RPP30: variants seen among roughly 807,000 people sequenced by gnomAD.
RPP30 encodes ribonuclease P/MRP subunit p30.
In RPP30, 36 loss-of-function variants were observed where a neutral mutation model predicts 38.6. The observed-to-expected ratio is 0.93, with a 90% CI of 0.71 to 1.23. The LOEUF is 1.23. Ranked by LOEUF, RPP30 falls within the 50% of genes most tolerant of loss-of-function variation. The pLI, the probability that RPP30 is intolerant of heterozygous loss-of-function variation, is 0.00. For missense variants in RPP30, 321 were observed against 321.7 expected, an observed-to-expected ratio of 1.00 and a Z score of 0.02; for synonymous variants, 126 against 112.7, an observed-to-expected ratio of 1.12 and a Z score of -0.75.
chr10:90,893,897 A>C (rs184428343), intron 6 of RPP30, among the ~76,000 whole-genome samples: 308 of 152,378 alleles, frequency 2.0e-3, no homozygotes, highest in Non-Finnish European at 3.4e-3. Context: ...ATGGATGCAG[A>C]CATTTAGGTG....
downstream of RPP30, among the ~76,000 whole-genome samples, chr10:90,906,888 A>C (rs1447113898): frequency 2.0e-5 from 3 of 152,218 alleles, no homozygotes; most frequent in African/African-American, 7.2e-5. Context: ...CAAAGAGTTG[A>C]GTCAGTGAGA....
chr10:90,875,735 C>T (rs1846843444), intron 3 of RPP30, 121 bp downstream of exon 3: 2 of 827,224 alleles, frequency 2.4e-6, no homozygotes, highest in South Asian at 1.5e-5. Flanking sequence ...TAACGTTTTC[C>T]TCAAGGCTCA....
At chr10:90,896,423 G>A in intron 10 of RPP30, 31 bp downstream of exon 10, 1 of 1,575,326 alleles carries the variant, frequency 6.3e-7, no homozygotes, top group Non-Finnish European at 8.7e-7. Flanking sequence ...CAAACTGAAT[G>A]GTCATGTTAA....
intron 3 of RPP30, among the ~76,000 whole-genome samples, 191 bp downstream of exon 3, chr10:90,875,805 T>G (rs1216536269): frequency 6.6e-6 from 1 of 152,200 alleles, no homozygotes. Flanking sequence ...TCTTCTTTCC[T>G]GAAGTCCTAC....
chr10:90,903,231 A>G, downstream of RPP30: 1 of 1,608,014 alleles, frequency 6.2e-7, no homozygotes, highest in South Asian at 1.1e-5. Context: ...ATCTCTCATC[A>G]GAGAGATCAT....
intron 6 of RPP30, among the ~76,000 whole-genome samples, chr10:90,894,473 A>G (rs1847116999): frequency 6.6e-6 from 1 of 152,172 alleles, no homozygotes; most frequent in South Asian, 2.1e-4. Context: ...TTCATGGAGT[A>G]GTAGCCCCTC....
chr10:90,872,841 AC>A (rs997109192), intron 1 of RPP30, among the ~76,000 whole-genome samples: 6 of 152,176 alleles, frequency 3.9e-5, no homozygotes, highest in African/African-American at 1.4e-4. Flanking sequence ...AGTGAATCAC[AC>A]CACTTTTTTA....
chr10:90,894,879 C>T lies in RPP30; in HGVS notation c.537C>T (p.Ile179=). The change falls in exon 7 of 11, where the codon ATC becomes ATT. Residue 179 remains isoleucine (I), a synonymous_variant. Coordinates refer to ENST00000371703, the MANE Select transcript of RPP30 (RefSeq NM_006413.5). ...CCAGTGCCCTCAATTTGATGCAAAT[C>T]TGCAAAGGAAAGGTATGGTTCTATA... is the stretch of plus-strand genomic sequence containing the variant. ...TISSALNLMQ[I]CKGKNVIISS... 1 of 1,604,086 alleles carries T rather than the reference C, an allele frequency of 6.2e-7. No individual in the cohort carries two copies. Among genetic ancestry groups the T allele is most frequent in the African/African-American group, 1.3e-5 (1 of 74,802 alleles).
At chr10:90,886,040 C>T (rs1389779039) in intron 6 of RPP30, 139 bp downstream of exon 6, 6 of 548,490 alleles carry the variant, frequency 1.1e-5, no homozygotes, top group African/African-American at 5.9e-5. Context: ...AGAGAATTTT[C>T]GTTTTGAAAG....
At position 90,901,411 on chromosome 10, in the gene RPP30, A is replaced by G. The variant is rs1274903221; in HGVS notation, c.*732A>G. The stretch of plus-strand genomic sequence containing the variant: ...GTTCCTCTTGTTTTAAGCTTCTTTC[A>G]TGTATTCAAATCAGCATTTTTTTCT... On this transcript the variant is annotated 3_prime_UTR_variant, in exon 11 of 11. Transcript: ENST00000371703. 1.0e-6 allele frequency: 1 copy of G among 984,892 alleles called. No homozygotes were observed. Among genetic ancestry groups the G allele is most frequent in the Non-Finnish European group, 1.2e-6 (1 of 829,454 alleles). 61.0% of individuals were successfully genotyped at this position (984,892 alleles called of 1,614,324 possible).
chr10:90,895,544 AG>A (rs1284650378), intron 8 of RPP30, 61 bp downstream of exon 8: 4 of 970,826 alleles, frequency 4.1e-6, no homozygotes, highest in Admixed American at 6.0e-5. Flanking sequence ...TTCAGTTTCT[AG>A]GGGATAAATT....
Position 90,900,840 on chromosome 10 carries a change from G to A in RPP30, c.*161G>A, listed in dbSNP as rs1000628396. ...CTTGCAATCCATTAAAACAACAAAC[G>A]AAACCTAGTGAAGCATCTTTTTAAA... is the stretch of plus-strand genomic sequence containing the variant. On this transcript the variant is annotated 3_prime_UTR_variant, in exon 11 of 11. Transcript: ENST00000371703. 3.0e-6 allele frequency: 4 copies of A among 1,312,208 alleles called. No individual in the cohort carries two copies. The African/African-American group carries it at 4.5e-5, about 15-fold the overall frequency. The allele number at this position is 1,312,208 out of a possible 1,614,324, so 81.3% of individuals were successfully genotyped here.
intron 6 of RPP30, among the ~76,000 whole-genome samples, chr10:90,887,643 G>A (rs1847019433): frequency 6.6e-6 from 1 of 151,874 alleles, no homozygotes; most frequent in Non-Finnish European, 1.5e-5. Context: ...CCTCAGCCTC[G>A]CCAAATGCTG....
At chr10:90,892,885 TA>T (rs531487989) in intron 6 of RPP30, among the ~76,000 whole-genome samples, 69 of 152,382 alleles carry the variant, frequency 4.5e-4, no homozygotes, top group African/African-American at 1.2e-3. Context: ...CATAAGCTGC[TA>T]TTTATTCACT....
In RPP30 at chr10:90,895,418, A is replaced by G; in HGVS notation, c.550-36A>G. Reference sequence around the variant, plus strand: ...TTATGAAACTCCTTTTTTTACATTTATCTAAGATTAATATTAGTCACTTTC... The same window carrying G: ...TTATGAAACTCCTTTTTTTACATTTGTCTAAGATTAATATTAGTCACTTTC... On this transcript the variant is annotated intron_variant, in intron 7 of 10. Transcript: ENST00000371703. 3 of 1,200,462 alleles carry G rather than the reference A, an allele frequency of 2.5e-6. No individual in the cohort carries two copies. The East Asian group carries it at 8.2e-5, about 33-fold the overall frequency. 74.4% of individuals were successfully genotyped at this position (1,200,462 alleles called of 1,614,324 possible). A position where few individuals can be genotyped will look rare whatever the true frequency, so the allele number is the denominator to read the frequency against.
chr10:90,887,633 C>T (rs956792605), intron 6 of RPP30, among the ~76,000 whole-genome samples: 3 of 152,168 alleles, frequency 2.0e-5, no homozygotes, highest in African/African-American at 7.2e-5. Context: ...GATCCGCCCG[C>T]CTCAGCCTCG....
At chr10:90,882,851 C>T (rs1846949869) in intron 5 of RPP30, among the ~76,000 whole-genome samples, 2 of 152,278 alleles carry the variant, frequency 1.3e-5, no homozygotes, top group South Asian at 2.1e-4. Context: ...TCTTCCTGCT[C>T]CTGAAATTCA....
rs1171607245 is a variant in RPP30 at position 90,872,271 on chromosome 10, G to C, written c.82+203G>C. On this transcript the variant is annotated intron_variant, in intron 1 of 10. Transcript: ENST00000371703. ...GTTCTGGGGGTTGTTATCTGGTTCA[G>C]CTACTTTCCTGCAATGAGGGAACTG... 12 of 590,830 alleles carry C rather than the reference G, an allele frequency of 2.0e-5. No individual in the cohort carries two copies. The East Asian group carries it at 2.8e-4, about 14-fold the overall frequency. 36.6% of individuals were successfully genotyped at this position (590,830 alleles called of 1,614,324 possible).
downstream of RPP30, chr10:90,905,873 G>A (rs538866462): frequency 2.2e-4 from 33 of 152,292 alleles, no homozygotes; most frequent in African/African-American, 7.9e-4. Flanking sequence ...GATATTCACT[G>A]CAACAATGTC....
Sources: allele counts gnomAD v4.1 joint callset (sites outside exome capture counted in the v4.1 genomes callset), GRCh38; gene constraint gnomAD v4.1.1; transcripts MANE v1.5; gene names NCBI Gene and HGNC (gene_info 2026-07-23, HGNC 2026-07-21).